Variants in RSRC1 observed in about 807,000 individuals in gnomAD.
The protein encoded by RSRC1 is arginine and serine rich coiled-coil 1.
RSRC1 carries 39 observed loss-of-function variants against 49.1 expected under a neutral mutation model. The observed-to-expected ratio is 0.79, with a 90% CI of 0.61 to 1.04. The LOEUF is 1.04. RSRC1 is among the 50% of genes least tolerant of loss of function. The probability of loss-of-function intolerance (pLI) is 0.00; values close to 1 mark genes in which losing one functional copy is unlikely to be tolerated. For missense variants in RSRC1, 388 were observed against 402.4 expected, an observed-to-expected ratio of 0.96 and a Z score of 0.31; for synonymous variants, 143 against 130.8, an observed-to-expected ratio of 1.09 and a Z score of -0.63.
At chr3:158,189,554 A>G (rs954045587) in intron 3 of RSRC1, among the ~76,000 whole-genome samples, 3 of 151,912 alleles carry the variant, frequency 2.0e-5, no homozygotes, top group Admixed American at 6.6e-5. Flanking sequence ...TTTATCTGAC[A>G]TTGGTATGGT....
chr3:158,131,913 T>C (rs984318512), intron 3 of RSRC1, among the ~76,000 whole-genome samples: 2 of 152,230 alleles, frequency 1.3e-5, no homozygotes, highest in African/African-American at 2.4e-5. Flanking sequence ...TAAAATAATA[T>C]ACTGAACGTA....
chr3:158,329,016 C>T (rs1204167657), intron 5 of RSRC1, among the ~76,000 whole-genome samples: 4 of 152,180 alleles, frequency 2.6e-5, no homozygotes, highest in Non-Finnish European at 4.4e-5. Context: ...CCCTTTCTTC[C>T]AGTTGATCAA....
intron 5 of RSRC1, among the ~76,000 whole-genome samples, chr3:158,309,925 C>T (rs138023583): frequency 2.0e-5 from 3 of 151,732 alleles, no homozygotes; most frequent in Admixed American, 6.6e-5. Context: ...ATAAACTATT[C>T]TGTAGCATTT....
intron 6 of RSRC1, among the ~76,000 whole-genome samples, chr3:158,460,626 A>T (rs1437106702): frequency 6.6e-6 from 1 of 151,906 alleles, no homozygotes; most frequent in Non-Finnish European, 1.5e-5. Context: ...GATACATCAG[A>T]TGACTTTTAA....
At chr3:158,161,676 C>T (rs1203125103) in intron 3 of RSRC1, among the ~76,000 whole-genome samples, 1 of 152,116 alleles carries the variant, frequency 6.6e-6, no homozygotes, top group East Asian at 1.9e-4. Flanking sequence ...GCAGGAGAAT[C>T]GCTTGAACCT....
At chr3:158,190,803 A>G (rs1720198732) in intron 3 of RSRC1, among the ~76,000 whole-genome samples, 2 of 152,116 alleles carry the variant, frequency 1.3e-5, no homozygotes, top group East Asian at 3.9e-4. Context: ...GTCGTTCTTG[A>G]TAATTTTCTT....
intron 7 of RSRC1, among the ~76,000 whole-genome samples, chr3:158,476,856 G>C (rs915605718): frequency 3.3e-5 from 5 of 152,128 alleles, no homozygotes; most frequent in African/African-American, 1.2e-4. Flanking sequence ...TCTGGCCAAA[G>C]TAAATTGAAA....
At chr3:158,450,508 C>T (rs990852949) in intron 6 of RSRC1, among the ~76,000 whole-genome samples, 11 of 151,676 alleles carry the variant, frequency 7.3e-5, no homozygotes, top group African/African-American at 1.9e-4. Flanking sequence ...TTTACCTGTA[C>T]ATTTGTATTG....
At chr3:158,489,014 T>C (rs2108445364) in intron 7 of RSRC1, among the ~76,000 whole-genome samples, 1 of 152,350 alleles carries the variant, frequency 6.6e-6, no homozygotes, top group East Asian at 1.9e-4. Context: ...AGCACTAACC[T>C]GAACTCACAT....
chr3:158,159,919 A>G (rs4561782), intron 3 of RSRC1, among the ~76,000 whole-genome samples: 95,810 of 152,014 alleles, frequency 0.63, 30,820 homozygotes, highest in African/African-American at 0.73. Context: ...AATGCCATGT[A>G]TGTGGGTGTG....
intron 7 of RSRC1, among the ~76,000 whole-genome samples, chr3:158,527,077 C>CTT (rs543523088): frequency 3.3e-4 from 36 of 110,124 alleles, no homozygotes; most frequent in Non-Finnish European, 4.6e-4. Context: ...AGTTCAAAAT[C>CTT]TTTTTTTTTT....
intron 3 of RSRC1, among the ~76,000 whole-genome samples, chr3:158,198,816 A>G (rs1720834544): frequency 6.6e-6 from 1 of 152,132 alleles, no homozygotes; most frequent in Non-Finnish European, 1.5e-5. Flanking sequence ...CACCCCCCGC[A>G]AGAAATTTCT....
intron 4 of RSRC1, among the ~76,000 whole-genome samples, chr3:158,227,169 G>T (rs968461669): frequency 6.6e-6 from 1 of 151,530 alleles, no homozygotes; most frequent in Non-Finnish European, 1.5e-5. Context: ...GGATGTTATT[G>T]CCCCTATTCA....
At chr3:158,430,078 A>AC (rs1560039580) in intron 6 of RSRC1, among the ~76,000 whole-genome samples, 1 of 142,794 alleles carries the variant, frequency 7.0e-6, no homozygotes, top group Non-Finnish European at 1.5e-5. Context: ...CACACAAAAA[A>AC]AATAAAATAA....
Position 158,545,098 on chromosome 3 carries a change from G to A in RSRC1, c.*823G>A, listed in dbSNP as rs1006105219. On this transcript the variant is annotated 3_prime_UTR_variant, in exon 10 of 10. Transcript: ENST00000611884. ...GTAGCTGAATGACAATCAACTATAC[G>A]TTCCATACTAAACATGCCAGAGATA... 3 of 150,702 alleles carry A rather than the reference G, an allele frequency of 2.0e-5. No homozygotes were observed. The highest frequency in any genetic ancestry group is 7.3e-5 in the African/African-American group (3 of 40,890). The allele number at this position is 150,702 out of a possible 1,614,324, so 9.3% of individuals were successfully genotyped here.
intron 7 of RSRC1, among the ~76,000 whole-genome samples, chr3:158,477,757 G>A (rs1425978877): frequency 6.9e-6 from 1 of 144,790 alleles, no homozygotes; most frequent in Non-Finnish European, 1.5e-5. Flanking sequence ...GTCACAAGGA[G>A]AACCGTGGAG....
Position 158,472,105 on chromosome 3 carries a change from A to G in RSRC1, c.652+11102A>G, listed in dbSNP as rs138604889. ...TTAGTCATTTTTATTATATTTAATTATACCCAGCCCTTGTTCCTACCTACC... is the reference window on the plus strand; with the variant it reads ...TTAGTCATTTTTATTATATTTAATTGTACCCAGCCCTTGTTCCTACCTACC... On this transcript the variant is annotated intron_variant, in intron 7 of 9. Coordinates refer to ENST00000611884, the MANE Select transcript of RSRC1 (RefSeq NM_001271838.2). 1.1e-4 allele frequency among the ~76,000 whole-genome samples: 16 copies of G among 152,254 alleles called. No individual in the cohort carries two copies. The East Asian group carries it at 2.3e-3, about 22-fold the overall frequency.
intron 7 of RSRC1, among the ~76,000 whole-genome samples, chr3:158,528,297 T>C (rs1205271702): frequency 2.0e-5 from 3 of 151,882 alleles, no homozygotes; most frequent in Admixed American, 1.3e-4. Flanking sequence ...ATGGGGAAGG[T>C]GGTTATGATG....
intron 5 of RSRC1, among the ~76,000 whole-genome samples, chr3:158,327,958 GT>G (rs1285717724): frequency 2.6e-5 from 4 of 152,198 alleles, no homozygotes; most frequent in Non-Finnish European, 1.5e-5. Flanking sequence ...AGCTCTTCTT[GT>G]TGAATTGATC....
Sources: gnomAD v4.1 joint callset for allele counts (sites outside exome capture counted in the v4.1 genomes callset) on GRCh38, gnomAD v4.1.1 for gene constraint, MANE v1.5 for transcripts, NCBI Gene and HGNC (gene_info 2026-07-23, HGNC 2026-07-21) for gene names.